The following GRM8 variants were observed in gnomAD, a reference collection of about 807,000 sequenced individuals.
GRM8 encodes metabotropic glutamate receptor 8.
A neutral mutation model predicts 87.2 loss-of-function variants in GRM8; 47 were observed. That is an observed-to-expected ratio of 0.54 (90% CI 0.43 to 0.69). GRM8 has a LOEUF of 0.69. Among genes scored for constraint, GRM8 ranks in the 30% least tolerant of loss-of-function variants. The pLI is 0.00. For missense variants in GRM8, 1,019 were observed against 1,139.2 expected, an observed-to-expected ratio of 0.89 and a Z score of 1.52; for synonymous variants, 396 against 404.5, an observed-to-expected ratio of 0.98 and a Z score of 0.25.
chr7:126,701,993 G>C (rs1490103820), intron 7 of GRM8, among the ~76,000 whole-genome samples: 1 of 152,092 alleles, frequency 6.6e-6, no homozygotes, highest in South Asian at 2.1e-4. Flanking sequence ...CAAGTTATTT[G>C]GTCACCCCAA....
chr7:126,901,664 A>T (rs1486942238), intron 6 of GRM8, among the ~76,000 whole-genome samples: 1 of 152,146 alleles, frequency 6.6e-6, no homozygotes, highest in East Asian at 1.9e-4. Context: ...AGGACATATC[A>T]AAGTCTGGGG....
chr7:127,031,799 T>C (rs571243069), intron 3 of GRM8, among the ~76,000 whole-genome samples: 2 of 152,080 alleles, frequency 1.3e-5, no homozygotes, highest in South Asian at 4.1e-4. Context: ...TCTCAATACC[T>C]CTCCATCTTC....
At chr7:126,881,600 G>A (rs1800026901) in intron 6 of GRM8, among the ~76,000 whole-genome samples, 1 of 152,196 alleles carries the variant, frequency 6.6e-6, no homozygotes, top group Admixed American at 6.5e-5. Context: ...GGCAAATGGA[G>A]AACAATTTGC....
intron 3 of GRM8, among the ~76,000 whole-genome samples, chr7:126,927,341 C>T (rs1302581281): frequency 1.3e-5 from 2 of 151,718 alleles, no homozygotes; most frequent in Non-Finnish European, 2.9e-5. Context: ...CTCACTATGT[C>T]GACTAGGTTG....
chr7:127,197,439 C>A (rs917328972), intron 2 of GRM8, among the ~76,000 whole-genome samples: 1 of 152,130 alleles, frequency 6.6e-6, no homozygotes, highest in Non-Finnish European at 1.5e-5. Flanking sequence ...CACATCCTAG[C>A]AAGAGGGAGA....
intron 9 of GRM8, among the ~76,000 whole-genome samples, chr7:126,498,941 T>TA (rs1186449009): frequency 6.6e-6 from 1 of 152,030 alleles, no homozygotes; most frequent in East Asian, 1.9e-4. Flanking sequence ...ATTGTTGGCA[T>TA]AAAATAAAAT....
At chr7:126,799,860 G>T (rs1052337073) in intron 6 of GRM8, among the ~76,000 whole-genome samples, 1 of 152,058 alleles carries the variant, frequency 6.6e-6, no homozygotes, top group African/African-American at 2.4e-5. Context: ...AGCTCATTGA[G>T]ACTTCTAAGA....
At chr7:127,077,877 G>A (rs1020572604) in intron 3 of GRM8, among the ~76,000 whole-genome samples, 12 of 152,108 alleles carry the variant, frequency 7.9e-5, no homozygotes, top group African/African-American at 2.2e-4. Context: ...TTTTGTTCAC[G>A]GGGGAACATT....
intron 3 of GRM8, among the ~76,000 whole-genome samples, chr7:126,942,298 A>G (rs1461652516): frequency 3.3e-5 from 5 of 152,278 alleles, no homozygotes; most frequent in Admixed American, 3.3e-4. Context: ...GCAGGCCTAC[A>G]TGCTATTATT....
chr7:127,001,771 T>A (rs548066820), intron 3 of GRM8, among the ~76,000 whole-genome samples: 1 of 151,626 alleles, frequency 6.6e-6, no homozygotes, highest in African/African-American at 2.4e-5. Flanking sequence ...GCCACAAAAC[T>A]GGAAAAAAAC....
rs1020448106 is a variant in GRM8 at position 126,763,748 on chromosome 7, C to A, written c.1357+6117G>T. On this transcript the variant is annotated intron_variant, in intron 7 of 10. Coordinates refer to ENST00000339582, the MANE Select transcript of GRM8 (RefSeq NM_000845.3). ...CTAGTTATTTTTGCTCATTTACTCT[C>A]ATAATTAAAATTTAAAATACTATTA... Among the ~76,000 whole-genome samples, 9 of 151,826 alleles carry A rather than the reference C, an allele frequency of 5.9e-5. 1 individual carries two copies. The highest frequency in any genetic ancestry group is 2.2e-4 in the African/African-American group (9 of 41,514).
intron 3 of GRM8, among the ~76,000 whole-genome samples, chr7:127,083,224 G>A (rs189626519): frequency 2.6e-4 from 39 of 151,944 alleles, no homozygotes; most frequent in South Asian, 6.3e-4. Context: ...CCTCACTTTC[G>A]TTGATAATAT....
At chr7:126,826,733 T>C (rs948647152) in intron 6 of GRM8, among the ~76,000 whole-genome samples, 3 of 152,212 alleles carry the variant, frequency 2.0e-5, no homozygotes, top group Admixed American at 6.5e-5. Context: ...AGATCTCATT[T>C]GTCAATTTTG....
intron 7 of GRM8, among the ~76,000 whole-genome samples, chr7:126,679,926 G>C (rs1807361869): frequency 2.0e-5 from 3 of 152,054 alleles, no homozygotes; most frequent in African/African-American, 4.8e-5. Flanking sequence ...AGCTACCCAG[G>C]AGGCTGAGGC....
intron 6 of GRM8, among the ~76,000 whole-genome samples, chr7:126,813,112 G>C (rs544478804): frequency 6.6e-6 from 1 of 152,122 alleles, no homozygotes; most frequent in Non-Finnish European, 1.5e-5. Flanking sequence ...AAACCCCTAT[G>C]ACCCAGGTTT....
chr7:127,012,754 G>T (rs768373790), intron 3 of GRM8, among the ~76,000 whole-genome samples: 2 of 152,066 alleles, frequency 1.3e-5, no homozygotes, highest in Non-Finnish European at 2.9e-5. Context: ...TATTCTGTAA[G>T]ATTTGTCACT....
intron 3 of GRM8, chr7:127,058,181 AATATCATC>A (rs1333093980): frequency 1.9e-6 from 1 of 515,516 alleles, no homozygotes; most frequent in Non-Finnish European, 4.0e-6. Flanking sequence ...GTCATGGCAT[AATATCATC>A]AAATTAAATT....
chr7:126,789,393 T>C (rs1453478666), intron 6 of GRM8, among the ~76,000 whole-genome samples: 1 of 152,166 alleles, frequency 6.6e-6, no homozygotes, highest in East Asian at 1.9e-4. Context: ...CCTCCTCAGC[T>C]TCCATGTTAT....
intron 3 of GRM8, among the ~76,000 whole-genome samples, chr7:126,941,627 A>G (rs1487162933): frequency 6.6e-6 from 1 of 151,908 alleles, no homozygotes; most frequent in East Asian, 1.9e-4. Context: ...CTCAAAAAAA[A>G]AAAAAAGAAA....
Sources: gnomAD v4.1 joint callset for allele counts (sites outside exome capture counted in the v4.1 genomes callset) on GRCh38, gnomAD v4.1.1 for gene constraint, MANE v1.5 for transcripts, NCBI Gene and HGNC (gene_info 2026-07-23, HGNC 2026-07-21) for gene names.